The following RIMS2 variants were observed in gnomAD, a reference collection of about 807,000 sequenced individuals.
RIMS2 encodes the protein regulating synaptic membrane exocytosis protein 2.
In RIMS2, 59 loss-of-function variants were observed where a neutral mutation model predicts 174.4. The ratio of observed to expected loss-of-function variants is 0.34; its 90% confidence interval spans 0.27 to 0.42. The LOEUF (loss-of-function observed/expected upper bound fraction) is 0.42. RIMS2 is among the 10% of genes least tolerant of loss of function. The pLI is 1.00. For missense variants in RIMS2, 1,620 were observed against 1,666.3 expected (o/e 0.97, Z 0.48); for synonymous variants, 606 against 572.5 (o/e 1.06, Z -0.84).
chr8:103,680,247 T>A (rs1388083120), intron 1 of RIMS2, among the ~76,000 whole-genome samples: 2 of 152,050 alleles, frequency 1.3e-5, no homozygotes, highest in African/African-American at 4.8e-5. Flanking sequence ...GAACTTAGTA[T>A]ATGATAGATT....
intron 1 of RIMS2, among the ~76,000 whole-genome samples, chr8:103,557,174 C>A (rs966180798): frequency 6.6e-6 from 1 of 152,164 alleles, no homozygotes; most frequent in South Asian, 2.1e-4. Flanking sequence ...AAACCGATAG[C>A]TCATTGTCTC....
At chr8:103,903,442 G>A (rs968213770) in intron 4 of RIMS2, among the ~76,000 whole-genome samples, 2 of 147,730 alleles carry the variant, frequency 1.4e-5, no homozygotes, top group Admixed American at 6.7e-5. Context: ...ATATAAAATA[G>A]TTAATGAACT....
chr8:103,784,072 A>C (rs1383285794), intron 3 of RIMS2, among the ~76,000 whole-genome samples: 4 of 149,480 alleles, frequency 2.7e-5, no homozygotes, highest in African/African-American at 4.9e-5. Context: ...TCTTCTTTTG[A>C]GAAGTGTCTG....
intron 1 of RIMS2, among the ~76,000 whole-genome samples, chr8:103,589,312 A>G (rs1247402871): frequency 7.4e-6 from 1 of 134,812 alleles, no homozygotes; most frequent in Non-Finnish European, 1.6e-5. Context: ...CAAATGGCAA[A>G]GAGGCATATG....
intron 10 of RIMS2, among the ~76,000 whole-genome samples, chr8:103,922,204 G>A (rs1348899217): frequency 6.6e-6 from 1 of 151,850 alleles, no homozygotes; most frequent in East Asian, 1.9e-4. Flanking sequence ...GATATTTGGT[G>A]TCAGCTCATA....
intron 1 of RIMS2, among the ~76,000 whole-genome samples, chr8:103,593,764 A>G (rs747639780): frequency 4.0e-5 from 6 of 151,378 alleles, no homozygotes; most frequent in South Asian, 2.1e-4. Flanking sequence ...TATAAACAAT[A>G]CATAACAGAT....
At chr8:103,677,594 G>A (rs748638053) in intron 1 of RIMS2, among the ~76,000 whole-genome samples, 2 of 152,186 alleles carry the variant, frequency 1.3e-5, no homozygotes, top group African/African-American at 4.8e-5. Context: ...ACAATGGCCA[G>A]GCAGGTACTT....
At chr8:103,779,313 C>G (rs2098357843) in intron 3 of RIMS2, among the ~76,000 whole-genome samples, 1 of 152,030 alleles carries the variant, frequency 6.6e-6, no homozygotes, top group Admixed American at 6.6e-5. Flanking sequence ...TATTCAAAAT[C>G]TTTGCCCAGA....
chr8:104,007,196 A>G (rs1235798507), intron 17 of RIMS2, among the ~76,000 whole-genome samples: 2 of 152,112 alleles, frequency 1.3e-5, no homozygotes, highest in Non-Finnish European at 2.9e-5. Flanking sequence ...TCTATATTTT[A>G]TATTACATAT....
chr8:103,733,926 G>C (rs1281002434), intron 2 of RIMS2, among the ~76,000 whole-genome samples: 1 of 151,468 alleles, frequency 6.6e-6, no homozygotes, highest in Admixed American at 6.6e-5. Context: ...TTTTTGTGTG[G>C]ATAGTTGTTC....
At chr8:104,173,389 T>C (rs1021712525) in intron 19 of RIMS2, among the ~76,000 whole-genome samples, 1 of 152,118 alleles carries the variant, frequency 6.6e-6, no homozygotes, top group African/African-American at 2.4e-5. Flanking sequence ...TCCTGATCTG[T>C]GCAGTTTGGG....
At chr8:104,184,179 A>G (rs1240549754) in intron 19 of RIMS2, among the ~76,000 whole-genome samples, 2 of 151,676 alleles carry the variant, frequency 1.3e-5, no homozygotes, top group African/African-American at 4.8e-5. Flanking sequence ...CAGGTCATCT[A>G]CATGACCAGA....
chr8:103,694,017 G>A (rs1171876364), intron 1 of RIMS2, among the ~76,000 whole-genome samples: 3 of 152,088 alleles, frequency 2.0e-5, no homozygotes, highest in Non-Finnish European at 4.4e-5. Flanking sequence ...TTTTAGGGTG[G>A]AACTTGTTCT....
At chr8:103,767,705 A>G (rs1009664071) in intron 3 of RIMS2, among the ~76,000 whole-genome samples, 2 of 152,176 alleles carry the variant, frequency 1.3e-5, no homozygotes, top group Admixed American at 1.3e-4. Context: ...GATGGTGCCT[A>G]AAGTCACCAC....
chr8:104,160,011 C>A (rs1230199991), intron 19 of RIMS2, among the ~76,000 whole-genome samples: 5 of 151,832 alleles, frequency 3.3e-5, no homozygotes, highest in Admixed American at 1.3e-4. Flanking sequence ...TGGTGGCTGG[C>A]ACCTGTAATC....
At chr8:103,677,904 T>C (rs992683411) in intron 1 of RIMS2, among the ~76,000 whole-genome samples, 1 of 152,320 alleles carries the variant, frequency 6.6e-6, no homozygotes, top group East Asian at 1.9e-4. Flanking sequence ...ATTTATTTAT[T>C]CTGTATGTAT....
At chr8:103,941,730 T>G (rs946168811) in intron 13 of RIMS2, among the ~76,000 whole-genome samples, 4 of 152,174 alleles carry the variant, frequency 2.6e-5, no homozygotes, top group African/African-American at 9.6e-5. Flanking sequence ...AAATCCGTTC[T>G]TGTTTTTTTC....
chr8:104,056,639 T>C (rs1324819671), intron 19 of RIMS2, among the ~76,000 whole-genome samples: 1 of 152,102 alleles, frequency 6.6e-6, no homozygotes, highest in Non-Finnish European at 1.5e-5. Context: ...CCCAACACTT[T>C]GGGAAACTAA....
Position 103,777,866 on chromosome 8 carries a change from G to A in RIMS2, c.698+11329G>A, listed in dbSNP as rs191099665. 4.0e-5 allele frequency among the ~76,000 whole-genome samples: 6 copies of A among 151,878 alleles called. No individual in the cohort carries two copies. The East Asian group carries it at 1.2e-3, about 29-fold the overall frequency. On this transcript the variant is annotated intron_variant, in intron 3 of 23. Transcript: ENST00000504942. ...AAAAATAGAATTTTGTTTCATGCTG[G>A]GTATGAAATTGGGTATAAACTGGGT...
Sources: allele counts gnomAD v4.1 joint callset (sites outside exome capture counted in the v4.1 genomes callset), GRCh38; gene constraint gnomAD v4.1.1; transcripts MANE v1.5; gene names NCBI Gene and HGNC (gene_info 2026-07-23, HGNC 2026-07-21).